ECT2L: variants seen among roughly 807,000 people sequenced by gnomAD.
ECT2L encodes the protein epithelial cell-transforming sequence 2 oncogene-like.
In ECT2L, 126 loss-of-function variants were observed where a neutral mutation model predicts 122.8. The observed-to-expected ratio is 1.03, with a 90% CI of 0.89 to 1.19. The LOEUF (loss-of-function observed/expected upper bound fraction) is 1.19. Among genes scored for constraint, ECT2L ranks in the 50% most tolerant of loss-of-function variants. The pLI is 0.00. For synonymous variants in ECT2L, 385 were observed against 381.8 expected, an observed-to-expected ratio of 1.01 and a Z score of -0.10; for missense variants, 1,012 against 1,064.1, an observed-to-expected ratio of 0.95 and a Z score of 0.68.
chr6:138,826,052 C>A (rs1776440598), intron 4 of ECT2L, among the ~76,000 whole-genome samples: 2 of 152,174 alleles, frequency 1.3e-5, no homozygotes. Context: ...TTCAGCTATC[C>A]CCGTCTTGAT....
chr6:138,799,347 G>T (rs531414329), intron 1 of ECT2L, among the ~76,000 whole-genome samples: 1 of 151,550 alleles, frequency 6.6e-6, no homozygotes. Context: ...TCCGCCTCCC[G>T]GGTTCATGCC....
rs369130137 is a variant in ECT2L at position 138,844,703 on chromosome 6, T to C, written c.764+123T>C. 1.2e-5 allele frequency: 10 copies of C among 846,650 alleles called. No individual in the cohort carries two copies. The East Asian group carries it at 2.2e-4, about 18-fold the overall frequency. 52.4% of individuals were successfully genotyped at this position (846,650 alleles called of 1,614,324 possible). A position where few individuals can be genotyped will look rare whatever the true frequency, so the allele number is the denominator to read the frequency against. ...TCTGTGGCTCATATCCTATGAAATA[T>C]CAGTAAAGATAATTAATTTTCTAGA... On this transcript the variant is annotated intron_variant, in intron 7 of 21. Coordinates refer to ENST00000541398, the MANE Select transcript of ECT2L (RefSeq NM_001077706.3).
At position 138,876,472 on chromosome 6, in the gene ECT2L, G is replaced by A. The variant is rs1529151; in HGVS notation, c.1579G>A (p.Glu527Lys). The change falls in exon 14 of 22, where the codon GAA becomes AAA. Residue 527 changes from glutamate (E) to lysine (K), a missense_variant and splice_region_variant. Physicochemically the swap from Glu to Lys is moderately conservative, Grantham distance 56 (BLOSUM62 1). Coordinates refer to ENST00000541398, the MANE Select transcript of ECT2L (RefSeq NM_001077706.3). ...GLMELSKEDS[E>K]RNVVEDNSWD... ...AACCAAGTTTCCATTCAATCTTCAG[G>A]AAAGAAATGTTGTAGAAGACAATTC... 473,307 of 1,604,820 alleles carry A rather than the reference G, an allele frequency of 0.29. 72,264 individuals carry two copies. The highest frequency in any genetic ancestry group is 0.4 in the South Asian group (36,113 of 90,508).
chr6:138,843,009 T>G lies in ECT2L; in HGVS notation c.373T>G (p.Phe125Val), dbSNP rs370988571. The change falls in exon 6 of 22, where the codon TTC (phenylalanine) becomes GTC (valine). Residue 125 changes from phenylalanine (F) to valine (V), a missense_variant. Physicochemically the swap from Phe to Val is conservative, Grantham distance 50. Coordinates refer to ENST00000541398, the MANE Select transcript of ECT2L (RefSeq NM_001077706.3). ...CTTATGGATGCCCAAATGCGTTAAG[T>G]TCGGATGGTTTCTGCCCTATACTCC... is the stretch of plus-strand genomic sequence containing the variant. ...DCLWMPKCVK[F>V]GWFLPYTPTD... The G allele has an allele frequency of 6.4e-7, 1 of 1,566,802 alleles. No individual in the cohort carries two copies. Among genetic ancestry groups the G allele is most frequent in the Admixed American group, 1.8e-5 (1 of 56,736 alleles).
At chr6:138,860,734 A>G (rs1015333869) in intron 10 of ECT2L, among the ~76,000 whole-genome samples, 1 of 133,598 alleles carries the variant, frequency 7.5e-6, no homozygotes, top group African/African-American at 3.1e-5. Flanking sequence ...TTTTACTTTA[A>G]GTTCTGGGAT....
At chr6:138,849,722 C>T (rs953950970) in intron 9 of ECT2L, among the ~76,000 whole-genome samples, 1 of 151,988 alleles carries the variant, frequency 6.6e-6, no homozygotes, top group African/African-American at 2.4e-5. Context: ...GTGTGTGCCG[C>T]CACGCCCAGC....
At chr6:138,803,721 T>C (rs550733044) in intron 1 of ECT2L, among the ~76,000 whole-genome samples, 3 of 152,286 alleles carry the variant, frequency 2.0e-5, no homozygotes, top group South Asian at 4.1e-4. Context: ...AGCCTCAATT[T>C]TGGGGAGTCA....
At chr6:138,899,734 T>C (rs1218922598) in intron 20 of ECT2L, among the ~76,000 whole-genome samples, 1 of 152,032 alleles carries the variant, frequency 6.6e-6, no homozygotes, top group Non-Finnish European at 1.5e-5. Context: ...TTCCTGAGGG[T>C]TGCTTGATGC....
At position 138,835,937 on chromosome 6, in the gene ECT2L, A is replaced by T. The variant is rs6916333; in HGVS notation, c.180-2415A>T. On this transcript the variant is annotated intron_variant, in intron 4 of 21. Transcript: ENST00000541398. ...GCTCAGGTTTTCCTTGTCTCTTATG[A>T]CTTGATACTTTTGAAGAGCACAGGC... Among the ~76,000 whole-genome samples, 131 of 152,270 alleles carry T rather than the reference A, an allele frequency of 8.6e-4. 1 individual carries two copies. The highest frequency in any genetic ancestry group is 3.0e-3 in the African/African-American group (125 of 41,540).
intron 7 of ECT2L, 84 bp from the exon 8 acceptor site, chr6:138,846,455 A>T (rs1777223940): frequency 1.5e-6 from 2 of 1,348,498 alleles, no homozygotes; most frequent in Admixed American, 5.1e-5. Context: ...AGTAGAGCTG[A>T]TGCCCAGAGA....
chr6:138,814,342 T>C, intron 3 of ECT2L, 149 bp from the exon 4 acceptor site: 2 of 416,396 alleles, frequency 4.8e-6, no homozygotes, highest in Non-Finnish European at 4.2e-6. Flanking sequence ...GGAGAGACCT[T>C]TCTCTCTATA....
Position 138,849,305 on chromosome 6 carries a change from G to A in ECT2L, c.940G>A (p.Val314Met). The change falls in exon 9 of 22, where the codon GTG becomes ATG. Residue 314 changes from valine to methionine, a missense_variant. Transcript: ENST00000541398. ...MESVKAGVVS[V>M]VYEHSVTLES... ...GAGTGTGAAGGCTGGTGTTGTTTCT[G>A]TGGTATATGAACACAGCGTAACCTT... 1 of 1,613,558 alleles carries A rather than the reference G, an allele frequency of 6.2e-7. No individual in the cohort carries two copies. Among genetic ancestry groups the A allele is most frequent in the African/African-American group, 1.3e-5 (1 of 74,972 alleles).
In ECT2L at chr6:138,881,057, G is replaced by C; in HGVS notation, c.1766G>C (p.Arg589Thr). The C allele has an allele frequency of 1.9e-6, 3 of 1,614,200 alleles. No homozygotes were observed. The highest frequency in any genetic ancestry group is 2.5e-6 in the Non-Finnish European group (3 of 1,180,044). The change falls in exon 15 of 22, where the codon AGA (arginine) becomes ACA (threonine). Residue 589 changes from arginine to threonine, a missense_variant. Coordinates refer to ENST00000541398, the MANE Select transcript of ECT2L (RefSeq NM_001077706.3). ...RKYVQILEIV[R>T]DVYVAPLKAA... ...TACGTGCAGATACTGGAAATTGTGA[G>C]AGATGTTTATGTCGCACCACTGAAA...
At chr6:138,895,001 G>A (rs193101549) in intron 20 of ECT2L, among the ~76,000 whole-genome samples, 10 of 151,996 alleles carry the variant, frequency 6.6e-5, no homozygotes, top group Non-Finnish European at 1.3e-4. Flanking sequence ...GCTCATTCCC[G>A]TAATCCCAGC....
chr6:138,854,255 T>C (rs1267088864), intron 10 of ECT2L, 101 bp downstream of exon 10: 2 of 1,342,748 alleles, frequency 1.5e-6, no homozygotes, highest in Non-Finnish European at 2.0e-6. Flanking sequence ...TTCAGTCACA[T>C]TTCACGCTTC....
intron 4 of ECT2L, among the ~76,000 whole-genome samples, chr6:138,817,853 C>CT (rs1322336020): frequency 1.3e-5 from 2 of 152,182 alleles, no homozygotes; most frequent in Non-Finnish European, 2.9e-5. Context: ...TCAATTGTGG[C>CT]TTTTCTTGGT....
rs542776822 is a variant in ECT2L at position 138,856,656 on chromosome 6, GTCTC to G, written c.1198+2506_1198+2509del. Among the ~76,000 whole-genome samples, 531 of 152,236 alleles carry G rather than the reference GTCTC, an allele frequency of 3.5e-3. 1 individual carries two copies. Among genetic ancestry groups the G allele is most frequent in the African/African-American group, 0.012 (514 of 41,542 alleles). ...ACTCCCTTGCAAAGAATCTGAACTT[GTCTC>G]TCTTTTTTGGCTAAATCCCAATTCA... On this transcript the variant is annotated intron_variant, in intron 10 of 21. Transcript: ENST00000541398.
intron 1 of ECT2L, among the ~76,000 whole-genome samples, chr6:138,809,006 C>T (rs1338212168): frequency 1.3e-5 from 2 of 152,072 alleles, no homozygotes; most frequent in Non-Finnish European, 2.9e-5. Flanking sequence ...GGATTACAGG[C>T]GTGAGCCACC....
intron 10 of ECT2L, among the ~76,000 whole-genome samples, chr6:138,857,658 T>C (rs1777661495): frequency 6.6e-6 from 1 of 151,966 alleles, no homozygotes; most frequent in East Asian, 1.9e-4. Flanking sequence ...TACCACACTC[T>C]CCCTGTTTCC....
Sources: gnomAD v4.1 joint callset for allele counts (sites outside exome capture counted in the v4.1 genomes callset) on GRCh38, gnomAD v4.1.1 for gene constraint, MANE v1.5 for transcripts, NCBI Gene and HGNC (gene_info 2026-07-23, HGNC 2026-07-21) for gene names.